Variants in MAP3K7CL observed in about 807,000 individuals in gnomAD.
The protein encoded by MAP3K7CL is MAP3K7 C-terminal like, also known as MAP3K7 C-terminal-like protein.
In MAP3K7CL, 16 loss-of-function variants were observed where a neutral mutation model predicts 18.6. The observed-to-expected ratio is 0.86, with a 90% CI of 0.58 to 1.31. MAP3K7CL has a LOEUF of 1.31. MAP3K7CL is among the 50% of genes most tolerant of loss of function. The pLI is 0.00. For synonymous variants in MAP3K7CL, 65 were observed against 66.8 expected, an observed-to-expected ratio of 0.97 and a Z score of 0.13; for missense variants, 163 against 174.4, an observed-to-expected ratio of 0.93 and a Z score of 0.37.
At chr21:29,164,296 G>A (rs1360413470) in intron 4 of MAP3K7CL, among the ~76,000 whole-genome samples, 1 of 152,086 alleles carries the variant, frequency 6.6e-6, no homozygotes, top group African/African-American at 2.4e-5. Context: ...GATATATTGG[G>A]CCAAGTGAAT....
chr21:29,158,796 A>G (rs1312507986), intron 3 of MAP3K7CL, among the ~76,000 whole-genome samples: 3 of 152,162 alleles, frequency 2.0e-5, no homozygotes, highest in African/African-American at 7.2e-5. Flanking sequence ...AGAAAGGATA[A>G]GATTGAAGAG....
In MAP3K7CL at chr21:29,175,774, G is replaced by C. The variant is rs1402502041; in HGVS notation, c.*882G>C. On this transcript the variant is annotated 3_prime_UTR_variant, in exon 5 of 5. Transcript: ENST00000399928. ...GGAATATGCGAGTAAATTCAGAATT[G>C]AAACAATTTCTCCTTGTTCTACCTA... 3 of 152,164 alleles carry C rather than the reference G, an allele frequency of 2.0e-5. No homozygotes were observed. Among genetic ancestry groups the C allele is most frequent in the Non-Finnish European group, 4.4e-5 (3 of 68,012 alleles). 9.4% of individuals were successfully genotyped at this position (152,164 alleles called of 1,614,324 possible). A position where few individuals can be genotyped will look rare whatever the true frequency, so the allele number is the denominator to read the frequency against.
In MAP3K7CL at chr21:29,114,042, T is replaced by C. The variant is rs1013818211; in HGVS notation, c.370+21461T>C. ...TTTGGGAGTTAAATAAAAGGAGAGTTTTATTCTAATTAATTAAATTAAATT... is the reference window on the plus strand; with the variant it reads ...TTTGGGAGTTAAATAAAAGGAGAGTCTTATTCTAATTAATTAAATTAAATT... On this transcript the variant is annotated intron_variant, in intron 4 of 6. Transcript: ENST00000286791. Among the ~76,000 whole-genome samples, 8 of 152,198 alleles carry C rather than the reference T, an allele frequency of 5.3e-5. 1 individual carries two copies. The South Asian group carries it at 1.2e-3, about 24-fold the overall frequency.
At chr21:29,157,650 C>G (rs975714417) in intron 3 of MAP3K7CL, among the ~76,000 whole-genome samples, 1 of 152,132 alleles carries the variant, frequency 6.6e-6, no homozygotes, top group African/African-American at 2.4e-5. Context: ...TACTACCTAT[C>G]ATCACATATG....
At chr21:29,135,802 G>T (rs923292186) in intron 2 of MAP3K7CL, among the ~76,000 whole-genome samples, 1 of 151,998 alleles carries the variant, frequency 6.6e-6, no homozygotes, top group South Asian at 2.1e-4. Flanking sequence ...TTAATAGGTA[G>T]CCTCAAAAAA....
Position 29,137,704 on chromosome 21 carries a change from C to T in MAP3K7CL, c.70+4290C>T, listed in dbSNP as rs1022755128. Among the ~76,000 whole-genome samples, 6 of 152,158 alleles carry T rather than the reference C, an allele frequency of 3.9e-5. 1 individual carries two copies. In the South Asian group the frequency reaches 1.0e-3, roughly 26 times the overall value. On this transcript the variant is annotated intron_variant, in intron 2 of 4. Coordinates refer to ENST00000399928, the MANE Select transcript of MAP3K7CL (RefSeq NM_001286620.2). ...AGTCCACTGAGCTGTGGAAGAGTAA[C>T]GTGTTGTCTACCGAGCCCTGCTTGA...
chr21:29,166,979 C>A (rs1047515088), intron 4 of MAP3K7CL, among the ~76,000 whole-genome samples: 2 of 152,170 alleles, frequency 1.3e-5, no homozygotes, highest in Non-Finnish European at 2.9e-5. Flanking sequence ...GAGGAACTGC[C>A]AGATTGTTTT....
intron 2 of MAP3K7CL, among the ~76,000 whole-genome samples, chr21:29,142,161 C>G (rs1432124667): frequency 6.6e-6 from 1 of 152,068 alleles, no homozygotes; most frequent in Admixed American, 6.5e-5. Flanking sequence ...ACCTCCCATT[C>G]TCAAGTGATC....
intron 2 of MAP3K7CL, among the ~76,000 whole-genome samples, chr21:29,134,614 C>T (rs1199644727): frequency 6.6e-6 from 1 of 152,214 alleles, no homozygotes; most frequent in African/African-American, 2.4e-5. Flanking sequence ...TGTGTCCTCA[C>T]TCAGGGTCAC....
intron 2 of MAP3K7CL, among the ~76,000 whole-genome samples, chr21:29,146,651 A>T (rs1483815672): frequency 6.6e-6 from 1 of 152,180 alleles, no homozygotes; most frequent in Non-Finnish European, 1.5e-5. Context: ...TTGTTCTGTG[A>T]GCTAAAGTTA....
At chr21:29,152,884 T>C (rs186568326) in intron 3 of MAP3K7CL, among the ~76,000 whole-genome samples, 1 of 152,346 alleles carries the variant, frequency 6.6e-6, no homozygotes, top group Admixed American at 6.5e-5. Context: ...TTTTTTTGTT[T>C]GTTTCTGGTT....
At chr21:29,133,067 T>G (rs1835685203) in intron 1 of MAP3K7CL, among the ~76,000 whole-genome samples, 1 of 152,166 alleles carries the variant, frequency 6.6e-6, no homozygotes, top group Admixed American at 6.5e-5. Flanking sequence ...ATTTCCCATA[T>G]TTCATTCATT....
intron 4 of MAP3K7CL, chr21:29,109,220 C>T: frequency 6.5e-7 from 1 of 1,535,248 alleles, no homozygotes; most frequent in Non-Finnish European, 8.7e-7. Context: ...GTATTAAGTG[C>T]TATGAGCTCC....
At chr21:29,110,971 T>C (rs769454633) in intron 4 of MAP3K7CL, among the ~76,000 whole-genome samples, 2 of 152,064 alleles carry the variant, frequency 1.3e-5, no homozygotes, top group Non-Finnish European at 2.9e-5. Context: ...AAATGTTCCT[T>C]GGGGGCTGGG....
intron 4 of MAP3K7CL, among the ~76,000 whole-genome samples, chr21:29,094,297 ACT>A: frequency 6.6e-6 from 1 of 152,218 alleles, no homozygotes; most frequent in South Asian, 2.1e-4. Flanking sequence ...AATTTGAGAA[ACT>A]CTGCTAGACA....
chr21:29,168,793 G>A (rs1295354089), intron 4 of MAP3K7CL, among the ~76,000 whole-genome samples: 1 of 152,138 alleles, frequency 6.6e-6, no homozygotes, highest in South Asian at 2.1e-4. Context: ...GCAACCTCAG[G>A]CATTAAGTGG....
chr21:29,090,241 G>A (rs139386739), intron 1 of MAP3K7CL, among the ~76,000 whole-genome samples: 1 of 152,248 alleles, frequency 6.6e-6, no homozygotes, highest in African/African-American at 2.4e-5. Context: ...AGGACACAAT[G>A]TTTTATAAGA....
intron 3 of MAP3K7CL, chr21:29,091,767 A>C: frequency 1.4e-6 from 1 of 702,420 alleles, no homozygotes; most frequent in South Asian, 1.5e-5. Context: ...TACAGGTATG[A>C]ACTACTGCAC....
intron 2 of MAP3K7CL, chr21:29,145,835 AT>A (rs1425600705): frequency 6.6e-6 from 1 of 152,118 alleles, no homozygotes; most frequent in Admixed American, 6.5e-5. Context: ...TAAAACATCT[AT>A]TGTATGTTGA....
Sources: allele counts gnomAD v4.1 joint callset (sites outside exome capture counted in the v4.1 genomes callset), GRCh38; gene constraint gnomAD v4.1.1; transcripts MANE v1.5; gene names NCBI Gene and HGNC (gene_info 2026-07-23, HGNC 2026-07-21).